PRKD1: variants seen among roughly 807,000 people sequenced by gnomAD.
PRKD1 encodes serine/threonine-protein kinase D1.
A neutral mutation model predicts 95.9 loss-of-function variants in PRKD1; 63 were observed. The observed-to-expected ratio is 0.66, with a 90% CI of 0.54 to 0.81. The LOEUF (loss-of-function observed/expected upper bound fraction) is 0.81, where lower values mean the gene tolerates loss of function less well. Among genes scored for constraint, PRKD1 ranks in the 30% least tolerant of loss-of-function variants. The probability of loss-of-function intolerance (pLI) is 0.00; values close to 1 mark genes in which losing one functional copy is unlikely to be tolerated. For synonymous variants in PRKD1, 425 were observed against 423.1 expected (o/e 1.00, Z -0.05); for missense variants, 1,048 against 1,165.3 (o/e 0.90, Z 1.47).
At chr14:29,600,348 T>C (rs1261890446) in intron 13 of PRKD1, among the ~76,000 whole-genome samples, 1 of 151,960 alleles carries the variant, frequency 6.6e-6, no homozygotes, top group Non-Finnish European at 1.5e-5. Flanking sequence ...ATCATAAAAA[T>C]AGCAACAAAA....
intron 13 of PRKD1, among the ~76,000 whole-genome samples, chr14:29,620,252 A>T (rs55788659): frequency 0.23 from 34,062 of 151,224 alleles, 3,890 homozygotes; most frequent in South Asian, 0.26. Context: ...ACCATTCAGG[A>T]CATAGGCATG....
chr14:29,709,531 A>T (rs1344954089), intron 2 of PRKD1, among the ~76,000 whole-genome samples: 1 of 152,194 alleles, frequency 6.6e-6, no homozygotes, highest in Non-Finnish European at 1.5e-5. Context: ...AGAGAAATAG[A>T]TAGATACAGA....
chr14:29,586,785 G>T (rs925696923), intron 16 of PRKD1, among the ~76,000 whole-genome samples: 2 of 152,034 alleles, frequency 1.3e-5, no homozygotes, highest in Non-Finnish European at 2.9e-5. Flanking sequence ...GGGATTACAG[G>T]CACCACACCT....
chr14:29,868,982 C>A (rs766000139), intron 1 of PRKD1, among the ~76,000 whole-genome samples: 1 of 152,130 alleles, frequency 6.6e-6, no homozygotes, highest in Non-Finnish European at 1.5e-5. Context: ...TCAAAAGTCA[C>A]TGAGGAATGT....
At position 29,634,420 on chromosome 14, in the gene PRKD1, G is replaced by A; in HGVS notation, c.1312C>T (p.Leu438=). ...ACATTGTTCCCTGTGGATCTTACCA[G>A]CGTGTCCTTGCTGGTGTAGTGGACC... ...WMVHYTSKDT[L]RKRHYWRLDS... is the part of the protein sequence containing the mutation. Residue 438 remains leucine, a splice_region_variant and synonymous_variant, in exon 8 of 18, where the codon CTG becomes TTG. Transcript: ENST00000331968. 6.2e-7 allele frequency: 1 copy of A among 1,614,042 alleles called. No individual in the cohort carries two copies. Among genetic ancestry groups the A allele is most frequent in the Non-Finnish European group, 8.5e-7 (1 of 1,179,950 alleles).
At chr14:29,720,425 T>C (rs1885827537) in intron 2 of PRKD1, among the ~76,000 whole-genome samples, 1 of 152,048 alleles carries the variant, frequency 6.6e-6, no homozygotes, top group Admixed American at 6.6e-5. Flanking sequence ...TGTAATATTA[T>C]CACTGTATGA....
intron 1 of PRKD1, among the ~76,000 whole-genome samples, chr14:29,912,919 A>T (rs1294838858): frequency 1.3e-5 from 2 of 152,194 alleles, no homozygotes; most frequent in African/African-American, 4.8e-5. Flanking sequence ...GGTATTATGT[A>T]CCTCCAGAAT....
At chr14:29,636,144 C>T (rs1039213014) in intron 7 of PRKD1, 146 bp downstream of exon 7, 7 of 974,704 alleles carry the variant, frequency 7.2e-6, no homozygotes, top group Non-Finnish European at 7.7e-6. Flanking sequence ...TTCAAAGGCT[C>T]TCATTTACAG....
intron 1 of PRKD1, among the ~76,000 whole-genome samples, chr14:29,835,704 G>A (rs1411767647): frequency 6.6e-6 from 1 of 152,072 alleles, no homozygotes; most frequent in Non-Finnish European, 1.5e-5. Flanking sequence ...CTGAGTAGCT[G>A]GGATTACAGG....
At chr14:29,739,302 C>T (rs1886881087) in intron 1 of PRKD1, among the ~76,000 whole-genome samples, 1 of 152,152 alleles carries the variant, frequency 6.6e-6, no homozygotes, top group Non-Finnish European at 1.5e-5. Flanking sequence ...TTAATTTACT[C>T]CACTCTGTTT....
chr14:29,771,493 T>C (rs1226077344), intron 1 of PRKD1, among the ~76,000 whole-genome samples: 1 of 152,044 alleles, frequency 6.6e-6, no homozygotes, highest in African/African-American at 2.4e-5. Context: ...CTTGGTGGTG[T>C]CTGTGTGGTG....
At chr14:29,808,312 T>C (rs1890326544) in intron 1 of PRKD1, among the ~76,000 whole-genome samples, 1 of 145,626 alleles carries the variant, frequency 6.9e-6, no homozygotes, top group Non-Finnish European at 1.5e-5. Context: ...AAGAAGCCAC[T>C]AGTCATCCAT....
intron 1 of PRKD1, among the ~76,000 whole-genome samples, chr14:29,733,701 G>A (rs1886570580): frequency 6.6e-6 from 1 of 151,972 alleles, no homozygotes; most frequent in Admixed American, 6.6e-5. Context: ...GAATAGCATG[G>A]GAGAAACTGC....
At chr14:29,775,508 C>G (rs551899755) in intron 1 of PRKD1, among the ~76,000 whole-genome samples, 4 of 152,220 alleles carry the variant, frequency 2.6e-5, no homozygotes, top group Non-Finnish European at 5.9e-5. Context: ...TATCCCACGC[C>G]TGGCTCGAGG....
chr14:29,676,177 G>GTTTTTTTGTGTTT (rs147308040), intron 2 of PRKD1, among the ~76,000 whole-genome samples: 1 of 104,758 alleles, frequency 9.5e-6, no homozygotes, highest in Non-Finnish European at 1.8e-5. Context: ...AGTTCATTAC[G>GTTTTTTTGTGTTT]TTTTTGTTTT....
chr14:29,850,803 T>C (rs1407651559), intron 1 of PRKD1, among the ~76,000 whole-genome samples: 1 of 145,716 alleles, frequency 6.9e-6, no homozygotes, highest in Non-Finnish European at 1.5e-5. Context: ...AAGCCAAGAG[T>C]ATTACATTAC....
intron 4 of PRKD1, chr14:29,656,479 A>G: frequency 6.5e-7 from 1 of 1,535,632 alleles, no homozygotes; most frequent in Non-Finnish European, 8.7e-7. Flanking sequence ...TACCTACCTC[A>G]AAGCCAGGAC....
intron 2 of PRKD1, among the ~76,000 whole-genome samples, chr14:29,669,973 C>T (rs530026234): frequency 1.2e-4 from 19 of 152,326 alleles, no homozygotes; most frequent in Admixed American, 1.0e-3. Context: ...TCACTACTCA[C>T]AATCAGTTTA....
At chr14:29,815,971 T>G (rs575532431) in intron 1 of PRKD1, among the ~76,000 whole-genome samples, 22 of 152,172 alleles carry the variant, frequency 1.4e-4, no homozygotes, top group South Asian at 2.1e-4. Context: ...TGTAATCCCA[T>G]CACTTTGGGA....
Sources: allele counts gnomAD v4.1 joint callset (sites outside exome capture counted in the v4.1 genomes callset), GRCh38; gene constraint gnomAD v4.1.1; transcripts MANE v1.5; gene names NCBI Gene and HGNC (gene_info 2026-07-23, HGNC 2026-07-21).